ATP6V1E1: variants seen among roughly 807,000 people sequenced by gnomAD.
The protein encoded by ATP6V1E1 is ATPase H+ transporting V1 subunit E1.
Under a neutral mutation model 35.2 loss-of-function variants are expected in ATP6V1E1, and 21 were observed. The ratio of observed to expected loss-of-function variants is 0.60; its 90% CI spans 0.42 to 0.86. ATP6V1E1 has a LOEUF of 0.86. Among genes scored for constraint, ATP6V1E1 ranks in the 40% least tolerant of loss-of-function variants. The probability of loss-of-function intolerance (pLI) is 0.00; values close to 1 mark genes in which losing one functional copy is unlikely to be tolerated. For missense variants in ATP6V1E1, 183 were observed against 272.6 expected, an observed-to-expected ratio of 0.67 and a Z score of 2.32; for synonymous variants, 83 against 87.8, an observed-to-expected ratio of 0.95 and a Z score of 0.30.
chr22:17,626,901 C>T (rs1287934619), intron 1 of ATP6V1E1, among the ~76,000 whole-genome samples: 1 of 151,614 alleles, frequency 6.6e-6, no homozygotes, highest in African/African-American at 2.4e-5. Flanking sequence ...TCTTGAACTC[C>T]TGGGATCAAG....
intron 4 of ATP6V1E1, among the ~76,000 whole-genome samples, chr22:17,602,513 TA>T (rs1428508039): frequency 1.3e-5 from 2 of 152,128 alleles, no homozygotes; most frequent in Non-Finnish European, 2.9e-5. Context: ...TGGCTGGGAC[TA>T]CAGGCGCACG....
At position 17,628,745 on chromosome 22, in the gene ATP6V1E1, T is replaced by G; in HGVS notation, c.-110A>C. ...CTGCGCAGATCTCGGGTTCCTTTAC[T>G]TTATAACCGCGGGTTCCGGTTCCTG... is the stretch of plus-strand genomic sequence containing the variant. On this transcript the variant is annotated 5_prime_UTR_variant, in exon 1 of 9. Coordinates refer to ENST00000253413, the MANE Select transcript of ATP6V1E1 (RefSeq NM_001696.4). The G allele has an allele frequency of 6.8e-7, 1 of 1,473,346 alleles. No homozygotes were observed. The highest frequency in any genetic ancestry group is 9.5e-7 in the Non-Finnish European group (1 of 1,055,586). 91.3% of individuals were successfully genotyped at this position (1,473,346 alleles called of 1,614,324 possible).
intron 2 of ATP6V1E1, among the ~76,000 whole-genome samples, chr22:17,613,824 A>G (rs5746441): frequency 0.35 from 52,806 of 151,960 alleles, 9,499 homozygotes; most frequent in African/African-American, 0.41. Context: ...AAAATTAGCC[A>G]GGCGCGGTGG....
At chr22:17,612,084 G>A (rs2057818328) in intron 4 of ATP6V1E1, among the ~76,000 whole-genome samples, 1 of 152,110 alleles carries the variant, frequency 6.6e-6, no homozygotes, top group Non-Finnish European at 1.5e-5. Flanking sequence ...TTAGTTATAG[G>A]ATCTTATGTT....
chr22:17,615,365 C>A (rs1032143387), intron 2 of ATP6V1E1, among the ~76,000 whole-genome samples: 1 of 152,068 alleles, frequency 6.6e-6, no homozygotes, highest in Non-Finnish European at 1.5e-5. Flanking sequence ...CGTAAACAGG[C>A]CAGGTAGAGT....
intron 1 of ATP6V1E1, among the ~76,000 whole-genome samples, chr22:17,628,144 T>C (rs988384003): frequency 2.0e-5 from 3 of 151,968 alleles, no homozygotes; most frequent in Non-Finnish European, 4.4e-5. Context: ...TTTCTATTTT[T>C]AGTAGAGACC....
rs986250538 is a variant in ATP6V1E1 at position 17,622,242 on chromosome 22, C to T, written c.34-2716G>A. Among the ~76,000 whole-genome samples, 4 of 151,200 alleles carry T rather than the reference C, an allele frequency of 2.6e-5. No individual in the cohort carries two copies. The East Asian group carries it at 7.7e-4, about 29-fold the overall frequency. On this transcript the variant is annotated intron_variant, in intron 1 of 8. Transcript: ENST00000253413. ...ACTAAAAGGTAAGCACCACTGAGTA[C>T]AGGGATCTTGTCTTTTATGCCAGTG...
intron 6 of ATP6V1E1, among the ~76,000 whole-genome samples, chr22:17,599,278 T>TA (rs796957937): frequency 0.047 from 6,688 of 143,458 alleles, 470 homozygotes; most frequent in African/African-American, 0.15. Context: ...TTACCACCAT[T>TA]AAAAAAAAAA....
intron 1 of ATP6V1E1, among the ~76,000 whole-genome samples, chr22:17,619,739 A>G (rs1406142190): frequency 2.0e-5 from 3 of 152,294 alleles, no homozygotes; most frequent in South Asian, 2.1e-4. Context: ...TAAAAAAGTC[A>G]ATCACTTACT....
intron 2 of ATP6V1E1, among the ~76,000 whole-genome samples, chr22:17,614,842 G>A (rs912497141): frequency 2.0e-5 from 3 of 151,226 alleles, no homozygotes; most frequent in South Asian, 2.1e-4. Context: ...GGTGGCAGTC[G>A]CCTGTAGTCC....
At chr22:17,597,720 T>G (rs1196403287) in intron 7 of ATP6V1E1, among the ~76,000 whole-genome samples, 1 of 151,900 alleles carries the variant, frequency 6.6e-6, no homozygotes, top group Non-Finnish European at 1.5e-5. Context: ...AACCTCCACC[T>G]CCTGGATTCA....
chr22:17,594,328 G>C (rs1206039282), intron 8 of ATP6V1E1, among the ~76,000 whole-genome samples: 2 of 152,162 alleles, frequency 1.3e-5, no homozygotes, highest in African/African-American at 4.8e-5. Context: ...CAAAACACTT[G>C]TTCTGACCCC....
intron 4 of ATP6V1E1, among the ~76,000 whole-genome samples, chr22:17,607,916 C>A (rs1228981106): frequency 2.0e-5 from 3 of 152,110 alleles, no homozygotes; most frequent in Admixed American, 1.3e-4. Flanking sequence ...ACACTCAAGG[C>A]CCTTCTAATT....
chr22:17,605,296 C>T (rs985097848), intron 4 of ATP6V1E1, among the ~76,000 whole-genome samples: 5 of 150,558 alleles, frequency 3.3e-5, no homozygotes, highest in Non-Finnish European at 5.9e-5. Context: ...TTTGGCAGGC[C>T]GAGGCAGGCA....
At chr22:17,594,105 A>C (rs965474687) in intron 8 of ATP6V1E1, among the ~76,000 whole-genome samples, 13 of 152,092 alleles carry the variant, frequency 8.5e-5, no homozygotes, top group South Asian at 4.1e-4. Flanking sequence ...GGGAGGCTGA[A>C]GCAGGAGAAT....
chr22:17,613,047 C>A, intron 3 of ATP6V1E1, 164 bp downstream of exon 3: 1 of 894,068 alleles, frequency 1.1e-6, no homozygotes, highest in Non-Finnish European at 1.7e-6. Context: ...ATAATCCTGT[C>A]AGGCTTTAAT....
chr22:17,601,537 C>A (rs2080549), intron 4 of ATP6V1E1, among the ~76,000 whole-genome samples: 83,089 of 151,994 alleles, frequency 0.55, 24,235 homozygotes, highest in African/African-American at 0.75. Flanking sequence ...AGGAAAAAAA[C>A]CAGATGTCTG....
intron 7 of ATP6V1E1, among the ~76,000 whole-genome samples, chr22:17,597,488 T>C (rs1698161715): frequency 1.3e-5 from 2 of 151,918 alleles, no homozygotes; most frequent in South Asian, 4.1e-4. Context: ...GGAACCTAAC[T>C]ACCAGGCATA....
At chr22:17,598,082 T>C in intron 7 of ATP6V1E1, 112 bp downstream of exon 7, 1 of 809,044 alleles carries the variant, frequency 1.2e-6, no homozygotes, top group Non-Finnish European at 2.1e-6. Flanking sequence ...AGCTCTAGCC[T>C]TGTGTCTAAG....
Sources: gnomAD v4.1 joint callset for allele counts (sites outside exome capture counted in the v4.1 genomes callset) on GRCh38, gnomAD v4.1.1 for gene constraint, MANE v1.5 for transcripts, NCBI Gene and HGNC (gene_info 2026-07-23, HGNC 2026-07-21) for gene names.